STARD3: variants seen among roughly 807,000 people sequenced by gnomAD.
STARD3 encodes stAR-related lipid transfer protein 3.
STARD3 carries 39 observed loss-of-function variants against 62.0 expected under a neutral mutation model. That is an observed-to-expected ratio of 0.63 (90% confidence interval 0.49 to 0.82). STARD3 has a LOEUF of 0.82. Ranked by LOEUF, STARD3 falls within the 40% of genes least tolerant of loss-of-function variation. The pLI is 0.00. For synonymous variants in STARD3, 229 were observed against 242.4 expected (o/e 0.94, Z 0.51); for missense variants, 543 against 584.5 (o/e 0.93, Z 0.73).
At position 39,659,569 on chromosome 17, in the gene STARD3, C is replaced by G; in HGVS notation, c.795+16C>G. The G allele has an allele frequency of 6.2e-7, 1 of 1,612,296 alleles. No individual in the cohort carries two copies. ...GAAGAATAATGTAAGAAGCCCTCTC[C>G]CACCTGACCTTCCCATGCGTGTTAG... On this transcript the variant is annotated intron_variant, in intron 9 of 14. Transcript: ENST00000336308.
At chr17:39,658,906 C>A in intron 7 of STARD3, 86 bp downstream of exon 7, 1 of 1,564,946 alleles carries the variant, frequency 6.4e-7, no homozygotes, top group Non-Finnish European at 8.8e-7. Context: ...TCTATTCCTT[C>A]TATCAGGCTC....
At chr17:39,653,401 G>A (rs2057095513) in intron 1 of STARD3, 80 bp from the exon 2 acceptor site, 1 of 947,706 alleles carries the variant, frequency 1.1e-6, no homozygotes, top group Non-Finnish European at 1.6e-6. Context: ...AAATGCGTTT[G>A]GGAGCCAGTG....
intron 1 of STARD3, among the ~76,000 whole-genome samples, chr17:39,645,433 C>A (rs2057016846): frequency 6.6e-6 from 1 of 152,184 alleles, no homozygotes; most frequent in African/African-American, 2.4e-5. Flanking sequence ...ATTTAACCTC[C>A]CTCGCTCACA....
At chr17:39,646,513 A>T (rs1466371831) in intron 1 of STARD3, among the ~76,000 whole-genome samples, 1 of 152,140 alleles carries the variant, frequency 6.6e-6, no homozygotes, top group East Asian at 1.9e-4. Flanking sequence ...TTGGCCTCCC[A>T]AAGTGCTGGG....
Position 39,662,920 on chromosome 17 carries a change from C to A in STARD3, c.*12C>A. ...GGGCCCGGGCGTGACTGTGCCCCCT[C>A]CCACCCTGCGGGCCAGGGTCCTGTC... On this transcript the variant is annotated 3_prime_UTR_variant, in exon 15 of 15. Transcript: ENST00000336308. 6.2e-7 allele frequency: 1 copy of A among 1,605,180 alleles called. No individual in the cohort carries two copies. Among genetic ancestry groups the A allele is most frequent in the Non-Finnish European group, 8.5e-7 (1 of 1,175,972 alleles).
At chr17:39,642,981 C>T (rs948196785) in intron 1 of STARD3, among the ~76,000 whole-genome samples, 2 of 151,920 alleles carry the variant, frequency 1.3e-5, no homozygotes, top group Non-Finnish European at 2.9e-5. Context: ...AGGGTGGGGA[C>T]TTACGCCTTT....
At chr17:39,638,167 C>A (rs1266440448) in intron 1 of STARD3, among the ~76,000 whole-genome samples, 1 of 152,224 alleles carries the variant, frequency 6.6e-6, no homozygotes, top group African/African-American at 2.4e-5. Context: ...ACTTCCTGAA[C>A]ATCCTTCAAA....
intron 14 of STARD3, 25 bp from the exon 15 acceptor site, chr17:39,662,779 G>T: frequency 6.3e-7 from 1 of 1,593,896 alleles, no homozygotes; most frequent in Non-Finnish European, 8.6e-7. Context: ...GCCATCAAGT[G>T]TGACTTCTGC....
chr17:39,658,492 G>A lies in STARD3; in HGVS notation c.517G>A (p.Val173Ile), dbSNP rs2057156634. The A allele has an allele frequency of 1.2e-6, 2 of 1,614,112 alleles. No homozygotes were observed. Among genetic ancestry groups the A allele is most frequent in the Non-Finnish European group, 1.7e-6 (2 of 1,179,972 alleles). Residue 173 changes from valine (V) to isoleucine (I), a missense_variant, in exon 6 of 15, where the codon GTC becomes ATC. Physicochemically the swap from Val to Ile is conservative, Grantham distance 29. Coordinates refer to ENST00000336308, the MANE Select transcript of STARD3 (RefSeq NM_006804.4). ...GGAGACCTGGTTCCTTGACTTCAAAGTCCTACCCCAGGAAGCTGAAGAGGA... is the reference window on the plus strand; with the variant it reads ...GGAGACCTGGTTCCTTGACTTCAAAATCCTACCCCAGGAAGCTGAAGAGGA... ...WLETWFLDFKVLPQEAEEERW... is the reference protein window; with the variant it reads ...WLETWFLDFKILPQEAEEERW...
intron 1 of STARD3, among the ~76,000 whole-genome samples, chr17:39,649,564 G>T (rs72827175): frequency 4.1e-4 from 63 of 152,184 alleles, no homozygotes; most frequent in African/African-American, 1.5e-3. Context: ...ATGTAAGAAA[G>T]AAAGGATATA....
Position 39,660,485 on chromosome 17 carries a change from G to C in STARD3, c.913G>C (p.Glu305Gln), listed in dbSNP as rs767537907. The change falls in exon 11 of 15, where the codon GAG (glutamate) becomes CAG (glutamine). Residue 305 changes from glutamate (E) to glutamine (Q), a missense_variant. Coordinates refer to ENST00000336308, the MANE Select transcript of STARD3 (RefSeq NM_006804.4). The surrounding 1 kb of genome is among the most constrained non-coding windows in gnomAD (Gnocchi z 4.8). ...GTACCAGGAGGTGATCCTGCAGCCCGAGAGGATGGTGCTGTGGAACAAGAC... is the reference window on the plus strand; with the variant it reads ...GTACCAGGAGGTGATCCTGCAGCCCCAGAGGATGGTGCTGTGGAACAAGAC... ...LVYQEVILQP[E>Q]RMVLWNKTVT... 1.2e-6 allele frequency: 2 copies of C among 1,613,984 alleles called. No individual in the cohort carries two copies. Among genetic ancestry groups the C allele is most frequent in the Admixed American group, 1.7e-5 (1 of 60,020 alleles).
At chr17:39,650,289 C>T (rs1004350234) in intron 1 of STARD3, among the ~76,000 whole-genome samples, 7 of 152,104 alleles carry the variant, frequency 4.6e-5, no homozygotes, top group African/African-American at 7.2e-5. Context: ...CAGCGAAGAC[C>T]GGTCGGCGTT....
chr17:39,662,197 G>A, intron 13 of STARD3, 54 bp from the exon 14 acceptor site: 3 of 1,520,480 alleles, frequency 2.0e-6, no homozygotes, highest in Non-Finnish European at 2.7e-6. Context: ...CTGCGGGGGG[G>A]TGTCAGGGCC....
chr17:39,637,877 TCA>T (rs1261907768), intron 1 of STARD3, among the ~76,000 whole-genome samples: 1 of 152,124 alleles, frequency 6.6e-6, no homozygotes, highest in East Asian at 1.9e-4. Context: ...ACACTGAATC[TCA>T]GTGGTCTTAT....
At chr17:39,661,118 C>A (rs1248041844) in intron 13 of STARD3, 33 bp downstream of exon 13, 1 of 1,599,038 alleles carries the variant, frequency 6.3e-7, no homozygotes, top group Non-Finnish European at 8.6e-7. Context: ...TCACCCCTGC[C>A]AGCCCCTCCC....
intron 1 of STARD3, among the ~76,000 whole-genome samples, chr17:39,642,305 G>A (rs1405604760): frequency 6.6e-6 from 1 of 152,178 alleles, no homozygotes; most frequent in Admixed American, 6.5e-5. Flanking sequence ...GCTCAGGGAG[G>A]GGAGCAGATA....
At chr17:39,659,691 G>C in intron 9 of STARD3, 138 bp downstream of exon 9, 1 of 899,454 alleles carries the variant, frequency 1.1e-6, no homozygotes, top group Admixed American at 2.5e-5. Flanking sequence ...CTGGGCCCTC[G>C]GGTCGGCAGG....
At chr17:39,643,369 G>A (rs890842998) in intron 1 of STARD3, among the ~76,000 whole-genome samples, 4 of 152,126 alleles carry the variant, frequency 2.6e-5, no homozygotes, top group Non-Finnish European at 4.4e-5. Context: ...CTCTGGGGTC[G>A]GCTCCGCTCT....
At chr17:39,658,573 G>A (rs757755584) in intron 6 of STARD3, 51 bp downstream of exon 6, 2 of 1,585,786 alleles carry the variant, frequency 1.3e-6, no homozygotes, top group South Asian at 1.1e-5. Context: ...ACAGCCCCAA[G>A]AGAGGGGAGT....
Sources: gnomAD v4.1 joint callset for allele counts (sites outside exome capture counted in the v4.1 genomes callset) on GRCh38, gnomAD v4.1.1 for gene constraint, Gnocchi (gnomAD v3.1) non-coding constraint, MANE v1.5 for transcripts, NCBI Gene and HGNC (gene_info 2026-07-23, HGNC 2026-07-21) for gene names.